AHNAK: variants seen among roughly 807,000 people sequenced by gnomAD.
AHNAK encodes the protein AHNAK nucleoprotein.
A neutral mutation model predicts 37.8 loss-of-function variants in AHNAK; 23 were observed. The observed-to-expected ratio is 0.61, with a 90% CI of 0.44 to 0.86. The LOEUF is 0.86. Ranked by LOEUF, AHNAK falls within the 40% of genes least tolerant of loss-of-function variation. The probability of loss-of-function intolerance (pLI) is 0.00; values close to 1 mark genes in which losing one functional copy is unlikely to be tolerated. For missense variants in AHNAK, 7,411 were observed against 7,319.4 expected, an observed-to-expected ratio of 1.01 and a Z score of -0.46; for synonymous variants, 2,481 against 2,636.3, an observed-to-expected ratio of 0.94 and a Z score of 1.80.
intron 5 of AHNAK, among the ~76,000 whole-genome samples, chr11:62,458,341 G>A (rs1279019200): frequency 6.6e-6 from 1 of 152,014 alleles, no homozygotes; most frequent in African/African-American, 2.4e-5. Context: ...CAGAAGGTCA[G>A]AGCTTCAGTG....
At position 62,525,344 on chromosome 11, in the gene AHNAK, C is replaced by G; in HGVS notation, c.9073G>C (p.Val3025Leu). 1 of 1,607,756 alleles carries G rather than the reference C, an allele frequency of 6.2e-7. No individual in the cohort carries two copies. The highest frequency in any genetic ancestry group is 8.5e-7 in the Non-Finnish European group (1 of 1,177,962). Residue 3025 changes from valine (V) to leucine (L), a missense_variant, in exon 5 of 5, where the codon GTG (valine) becomes CTG (leucine). Transcript: ENST00000378024. ...GPDWHLKMPK[V>L]KMPKFSMPGF... The stretch of plus-strand genomic sequence containing the variant: ...GGCATGCTGAATTTGGGCATTTTCA[C>G]TTTGGGCATTTTTAGGTGCCAGTCT...
chr11:62,479,511 C>T (rs1939223083), intron 5 of AHNAK, among the ~76,000 whole-genome samples: 1 of 151,622 alleles, frequency 6.6e-6, no homozygotes, highest in Non-Finnish European at 1.5e-5. Context: ...AGTTTGGGGT[C>T]TGCGAAGTGC....
Position 62,526,469 on chromosome 11 carries a change from C to T in AHNAK, c.7948G>A (p.Gly2650Ser). 1 of 1,612,796 alleles carries T rather than the reference C, an allele frequency of 6.2e-7. No homozygotes were observed. The highest frequency in any genetic ancestry group is 8.5e-7 in the Non-Finnish European group (1 of 1,179,532). The change falls in exon 5 of 5, where the codon GGC (glycine) becomes AGC (serine). Residue 2650 changes from glycine (G) to serine (S), a missense_variant. By Grantham distance (56) the Gly-to-Ser change is moderately conservative. Transcript: ENST00000378024. ...KVKMPKFSMP[G>S]FKGEGPDGDV... Reference sequence around the variant, plus strand: ...CCATCTGGGCCCTCTCCTTTGAAGCCAGGCATGCTGAACTTTGGCATTTTC... The same window carrying T: ...CCATCTGGGCCCTCTCCTTTGAAGCTAGGCATGCTGAACTTTGGCATTTTC...
At chr11:62,436,438 A>G (rs960151245) in intron 5 of AHNAK, among the ~76,000 whole-genome samples, 28 of 152,104 alleles carry the variant, frequency 1.8e-4, no homozygotes, top group African/African-American at 5.8e-4. Flanking sequence ...ACCAGCTGTG[A>G]TACTCAGACA....
At chr11:62,469,054 C>T (rs781281937) in intron 5 of AHNAK, among the ~76,000 whole-genome samples, 25 of 152,206 alleles carry the variant, frequency 1.6e-4, no homozygotes, top group Non-Finnish European at 2.9e-4. Flanking sequence ...AGGTCTCAAG[C>T]GATCCTCCCA....
At chr11:62,457,020 G>A (rs1938672221) in intron 5 of AHNAK, among the ~76,000 whole-genome samples, 1 of 152,178 alleles carries the variant, frequency 6.6e-6, no homozygotes, top group Non-Finnish European at 1.5e-5. Context: ...CTTAGTTCAG[G>A]ATGGGCACGG....
At chr11:62,485,039 T>C (rs1939361901) in intron 5 of AHNAK, among the ~76,000 whole-genome samples, 1 of 152,172 alleles carries the variant, frequency 6.6e-6, no homozygotes. Context: ...TCTGCCTGCC[T>C]CGGCCTCCCA....
chr11:62,490,354 A>C (rs907398570), intron 5 of AHNAK, among the ~76,000 whole-genome samples: 3 of 151,638 alleles, frequency 2.0e-5, no homozygotes, highest in African/African-American at 7.3e-5. Flanking sequence ...GGCGTGCGCC[A>C]CCACGCCCGG....
chr11:62,530,893 T>C lies in AHNAK; in HGVS notation c.3524A>G (p.Glu1175Gly). 1 of 1,613,932 alleles carries C rather than the reference T, an allele frequency of 6.2e-7. No individual in the cohort carries two copies. The highest frequency in any genetic ancestry group is 8.5e-7 in the Non-Finnish European group (1 of 1,180,000). The change falls in exon 5 of 5, where the codon GAA becomes GGA. Residue 1175 changes from glutamate to glycine, a missense_variant. By Grantham distance (98) the Glu-to-Gly change is moderately conservative. Coordinates refer to ENST00000378024, the MANE Select transcript of AHNAK (RefSeq NM_001620.3). ...EAPDVSLEGP[E>G]GKLKGPKFKM... ...AAACTTGGGACCCTTCAGCTTCCCT[T>C]CTGGACCTTCGAGGCTCACATCTGG...
chr11:62,459,550 C>T (rs1417334161), intron 5 of AHNAK, among the ~76,000 whole-genome samples: 2 of 152,152 alleles, frequency 1.3e-5, no homozygotes, highest in Non-Finnish European at 2.9e-5. Context: ...AGCCAGCCAG[C>T]CCAGAGATGA....
rs1244116432 is a variant in AHNAK at position 62,526,960 on chromosome 11, T to C, written c.7457A>G (p.Asp2486Gly). 9 of 1,614,056 alleles carry C rather than the reference T, an allele frequency of 5.6e-6. No homozygotes were observed. The highest frequency in any genetic ancestry group is 5.1e-6 in the Non-Finnish European group (6 of 1,180,020). ...AACTTTGGGGCCCCTGATGTTCATA[T>C]CTGGTACTTCAAGTTTACCTTCTAC... ...PEVEGKLEVP[D>G]MNIRGPKVDV... The change falls in exon 5 of 5, where the codon GAT becomes GGT. Residue 2486 changes from aspartate (D) to glycine (G), a missense_variant. Asp to Gly is a moderately conservative substitution (Grantham distance 94). Coordinates refer to ENST00000378024, the MANE Select transcript of AHNAK (RefSeq NM_001620.3).
At chr11:62,450,187 C>T (rs1379222481) in intron 5 of AHNAK, among the ~76,000 whole-genome samples, 1 of 150,890 alleles carries the variant, frequency 6.6e-6, no homozygotes. Flanking sequence ...CAGAGTTTCA[C>T]TCTTGTCATC....
chr11:62,486,614 G>A (rs1196038075), intron 5 of AHNAK, among the ~76,000 whole-genome samples: 4 of 152,158 alleles, frequency 2.6e-5, no homozygotes, highest in African/African-American at 7.2e-5. Flanking sequence ...TGGCTACAGC[G>A]TTTCAATTGG....
chr11:62,526,170 G>T lies in AHNAK; in HGVS notation c.8247C>A (p.Asp2749Glu). Residue 2749 changes from aspartate (D) to glutamate (E), a missense_variant, in exon 5 of 5, where the codon GAC becomes GAA. Asp to Glu is a conservative substitution (Grantham distance 45). Transcript: ENST00000378024. The part of the protein sequence containing the change: ...PEVDIKGPKV[D>E]IDAPDVDVHG... ...GAACATCAACATCAGGTGCGTCAAT[G>T]TCCACTTTTGGGCCCTTGATGTCAA... 1 of 1,613,236 alleles carries T rather than the reference G, an allele frequency of 6.2e-7. No homozygotes were observed. Among genetic ancestry groups the T allele is most frequent in the Non-Finnish European group, 8.5e-7 (1 of 1,179,828 alleles).
At chr11:62,493,439 C>T (rs1447659585) in intron 4 of AHNAK, among the ~76,000 whole-genome samples, 1 of 151,512 alleles carries the variant, frequency 6.6e-6, no homozygotes, top group East Asian at 1.9e-4. Context: ...AATTCTCCTG[C>T]CTCAGCCTCC....
intron 5 of AHNAK, among the ~76,000 whole-genome samples, chr11:62,448,496 C>T (rs1590588540): frequency 1.3e-5 from 2 of 152,110 alleles, no homozygotes; most frequent in South Asian, 4.1e-4. Context: ...ATAGGACTTG[C>T]TGACAAGGGG....
intron 3 of AHNAK, 34 bp downstream of exon 3, chr11:62,535,911 A>C (rs113886991): frequency 6.3e-7 from 1 of 1,579,838 alleles, no homozygotes; most frequent in South Asian, 1.1e-5. Flanking sequence ...CCCCCCAACC[A>C]CCAGCACCCA....
chr11:62,541,975 T>C (rs1220194856), intron 1 of AHNAK: 1 of 152,122 alleles, frequency 6.6e-6, no homozygotes, highest in African/African-American at 2.4e-5. Flanking sequence ...CATCTCAGAG[T>C]CTAAGCTGGC....
chr11:62,472,739 G>C (rs911135417), intron 5 of AHNAK, among the ~76,000 whole-genome samples: 5 of 152,126 alleles, frequency 3.3e-5, no homozygotes, highest in African/African-American at 9.6e-5. Context: ...GACACAAAAA[G>C]ACAAATGCTG....
Sources: gnomAD v4.1 joint callset for allele counts (sites outside exome capture counted in the v4.1 genomes callset) on GRCh38, gnomAD v4.1.1 for gene constraint, MANE v1.5 for transcripts, NCBI Gene and HGNC (gene_info 2026-07-23, HGNC 2026-07-21) for gene names.